Variants in CSMD3 observed in about 807,000 individuals in gnomAD.
CSMD3 encodes the protein CUB and Sushi multiple domains 3, also known as CUB and sushi domain-containing protein 3.
CSMD3 carries 177 observed loss-of-function variants against 435.2 expected under a neutral mutation model. The observed-to-expected ratio is 0.41, with a 90% confidence interval of 0.36 to 0.46. CSMD3 has a LOEUF of 0.46. Ranked by LOEUF, CSMD3 falls within the 20% of genes least tolerant of loss-of-function variation. CSMD3 has a pLI of 0.34. For missense variants in CSMD3, 4,265 were observed against 4,504.6 expected, an observed-to-expected ratio of 0.95 and a Z score of 1.52; for synonymous variants, 1,656 against 1,520.5, an observed-to-expected ratio of 1.09 and a Z score of -2.07.
intron 3 of CSMD3, among the ~76,000 whole-genome samples, chr8:113,223,639 T>A (rs1241773948): frequency 1.5e-5 from 2 of 137,284 alleles, no homozygotes; most frequent in Non-Finnish European, 3.2e-5. Flanking sequence ...ATATATATAT[T>A]TATCTTAAAA....
intron 10 of CSMD3, among the ~76,000 whole-genome samples, chr8:112,865,234 A>G (rs1191290982): frequency 6.6e-6 from 1 of 152,184 alleles, no homozygotes; most frequent in African/African-American, 2.4e-5. Context: ...TGCCAGATAC[A>G]ATGTTTCAAC....
intron 3 of CSMD3, among the ~76,000 whole-genome samples, chr8:113,238,403 T>C (rs1406785187): frequency 6.6e-6 from 1 of 152,118 alleles, no homozygotes; most frequent in Non-Finnish European, 1.5e-5. Flanking sequence ...TTAGACCAGT[T>C]GAATTTTGGA....
intron 13 of CSMD3, 65 bp downstream of exon 13, chr8:112,800,097 G>C: frequency 9.1e-7 from 1 of 1,093,868 alleles, no homozygotes; most frequent in Non-Finnish European, 1.4e-6. Context: ...GCAATTAAAC[G>C]TGAATTTAAA....
At position 112,428,300 on chromosome 8, in the gene CSMD3, C is replaced by A. The variant is rs78096418; in HGVS notation, c.5396-19268G>T. The stretch of plus-strand genomic sequence containing the variant: ...AAAACAGAGTATACAAATGTAAGTA[C>A]AAAAAAATATATTCTCAAAACAGAG... On this transcript the variant is annotated intron_variant, in intron 32 of 70. Coordinates refer to ENST00000297405, the MANE Select transcript of CSMD3 (RefSeq NM_198123.2). 6.9e-3 allele frequency among the ~76,000 whole-genome samples: 1,049 copies of A among 151,754 alleles called. 14 individuals are homozygous for A. Among genetic ancestry groups the A allele is most frequent in the African/African-American group, 0.024 (988 of 41,414 alleles).
intron 1 of CSMD3, among the ~76,000 whole-genome samples, chr8:113,389,909 A>G (rs1443374896): frequency 6.6e-6 from 1 of 151,788 alleles, no homozygotes; most frequent in Non-Finnish European, 1.5e-5. Context: ...GATACTATAT[A>G]GCATTTAGCA....
intron 21 of CSMD3, among the ~76,000 whole-genome samples, chr8:112,637,438 C>T (rs1391042455): frequency 6.6e-6 from 1 of 151,946 alleles, no homozygotes; most frequent in African/African-American, 2.4e-5. Flanking sequence ...TGATAAAGGC[C>T]CTTCTGCTTC....
intron 5 of CSMD3, among the ~76,000 whole-genome samples, chr8:113,026,805 T>A (rs1280319879): frequency 2.0e-5 from 3 of 152,172 alleles, no homozygotes; most frequent in Non-Finnish European, 4.4e-5. Context: ...TCATATGTCT[T>A]CTTCAACTCC....
At chr8:112,436,589 T>C (rs1333720834) in intron 32 of CSMD3, among the ~76,000 whole-genome samples, 1 of 151,914 alleles carries the variant, frequency 6.6e-6, no homozygotes, top group Non-Finnish European at 1.5e-5. Context: ...TGTATATATA[T>C]GTATACAAAA....
chr8:112,692,263 A>C (rs189205758), intron 13 of CSMD3, among the ~76,000 whole-genome samples: 1 of 152,128 alleles, frequency 6.6e-6, no homozygotes, highest in African/African-American at 2.4e-5. Flanking sequence ...TTATTTATTA[A>C]AAAATAAAAT....
intron 27 of CSMD3, among the ~76,000 whole-genome samples, chr8:112,548,152 C>T (rs778933942): frequency 8.6e-5 from 13 of 152,004 alleles, no homozygotes; most frequent in Non-Finnish European, 1.3e-4. Context: ...TAAAATTTTC[C>T]TGTCTTCCTA....
intron 69 of CSMD3, among the ~76,000 whole-genome samples, chr8:112,230,848 T>C (rs563591534): frequency 5.3e-5 from 8 of 152,088 alleles, no homozygotes; most frequent in African/African-American, 1.9e-4. Context: ...TCTTAAAAGA[T>C]AAATGTCAAA....
intron 3 of CSMD3, among the ~76,000 whole-genome samples, chr8:113,176,626 T>C (rs894816703): frequency 2.6e-5 from 4 of 152,092 alleles, no homozygotes; most frequent in Non-Finnish European, 5.9e-5. Flanking sequence ...TAGATAATGT[T>C]TCTGCCAGCC....
chr8:113,161,104 G>A (rs1192679698), intron 4 of CSMD3, among the ~76,000 whole-genome samples: 1 of 152,054 alleles, frequency 6.6e-6, no homozygotes, highest in Non-Finnish European at 1.5e-5. Flanking sequence ...TTGATAATGG[G>A]AATTTTAGTC....
chr8:112,847,730 C>T lies in CSMD3; in HGVS notation c.1755+11415G>A, dbSNP rs2080366018. ...AAATATTTGGCGCAAAGAACTAGTA[C>T]CTATAAATGGGCTGACTAAATGAAG... On this transcript the variant is annotated intron_variant, in intron 11 of 70. Transcript: ENST00000297405. Among the ~76,000 whole-genome samples the T allele has an allele frequency of 2.0e-5, 3 of 152,150 alleles. No individual in the cohort carries two copies. The South Asian group carries it at 6.2e-4, about 32-fold the overall frequency.
chr8:113,273,334 C>T (rs2093544790), intron 3 of CSMD3, among the ~76,000 whole-genome samples: 1 of 151,612 alleles, frequency 6.6e-6, no homozygotes, highest in Non-Finnish European at 1.5e-5. Flanking sequence ...GGATTATGTA[C>T]TATAGGGTCC....
intron 64 of CSMD3, among the ~76,000 whole-genome samples, 170 bp downstream of exon 64, chr8:112,246,850 A>G (rs1317789252): frequency 6.6e-6 from 1 of 152,138 alleles, no homozygotes; most frequent in Non-Finnish European, 1.5e-5. Flanking sequence ...GTGCTTCCCA[A>G]TGGCCATGGG....
intron 4 of CSMD3, among the ~76,000 whole-genome samples, chr8:113,115,485 C>T (rs2090794420): frequency 6.6e-6 from 1 of 152,170 alleles, no homozygotes; most frequent in Admixed American, 6.6e-5. Context: ...AAGATAAACA[C>T]ATTTCTACGT....
At chr8:113,374,658 T>C (rs969747746) in intron 1 of CSMD3, among the ~76,000 whole-genome samples, 1 of 151,916 alleles carries the variant, frequency 6.6e-6, no homozygotes, top group Non-Finnish European at 1.5e-5. Context: ...TTACTTATAA[T>C]ATTTTGAGCT....
At chr8:112,961,403 T>C (rs117828339) in intron 7 of CSMD3, among the ~76,000 whole-genome samples, 14 of 152,018 alleles carry the variant, frequency 9.2e-5, no homozygotes, top group Non-Finnish European at 1.9e-4. Context: ...TACAATCATA[T>C]TGATTATATG....
Sources: gnomAD v4.1 joint callset for allele counts (sites outside exome capture counted in the v4.1 genomes callset) on GRCh38, gnomAD v4.1.1 for gene constraint, MANE v1.5 for transcripts, NCBI Gene and HGNC (gene_info 2026-07-23, HGNC 2026-07-21) for gene names.